MAPK8IP1: variants seen among roughly 807,000 people sequenced by gnomAD.
MAPK8IP1 encodes C-Jun-amino-terminal kinase-interacting protein 1.
In MAPK8IP1, 17 loss-of-function variants were observed where a neutral mutation model predicts 72.6. The observed-to-expected ratio is 0.23, with a 90% confidence interval of 0.16 to 0.35. The LOEUF (loss-of-function observed/expected upper bound fraction) is 0.35, where lower values mean the gene tolerates loss of function less well. Among genes scored for constraint, MAPK8IP1 ranks in the 10% least tolerant of loss-of-function variants. The pLI, the probability that MAPK8IP1 is intolerant of heterozygous loss-of-function variation, is 1.00. For synonymous variants in MAPK8IP1, 401 were observed against 443.4 expected, an observed-to-expected ratio of 0.90 and a Z score of 1.20; for missense variants, 789 against 1,009.7, an observed-to-expected ratio of 0.78 and a Z score of 2.96.
At chr11:45,891,740 C>T (rs989402893) in intron 1 of MAPK8IP1, among the ~76,000 whole-genome samples, 9 of 152,192 alleles carry the variant, frequency 5.9e-5, no homozygotes, top group Admixed American at 5.2e-4. Context: ...TGTCTTTTTG[C>T]TCATTTTATT....
intron 1 of MAPK8IP1, among the ~76,000 whole-genome samples, chr11:45,886,453 C>G (rs2086528263): frequency 6.6e-6 from 1 of 152,214 alleles, no homozygotes; most frequent in African/African-American, 2.4e-5. Flanking sequence ...TTGGGCAGCA[C>G]CGACCTAGGC....
intron 1 of MAPK8IP1, 140 bp from the exon 2 acceptor site, chr11:45,897,945 T>G: frequency 1.5e-6 from 1 of 657,504 alleles, no homozygotes; most frequent in Non-Finnish European, 2.8e-6. Flanking sequence ...ACCCCCTGCA[T>G]TGATACAGAT....
chr11:45,896,916 A>G, intron 1 of MAPK8IP1: 1 of 1,572,512 alleles, frequency 6.4e-7, no homozygotes, highest in Non-Finnish European at 8.6e-7. Flanking sequence ...GAGCCCAGAC[A>G]ATGACAGCTG....
At position 45,903,083 on chromosome 11, in the gene MAPK8IP1, C is replaced by T. The variant is rs1258526901; in HGVS notation, c.1316C>T (p.Pro439Leu). The T allele has an allele frequency of 6.2e-7, 1 of 1,611,568 alleles. No homozygotes were observed. Residue 439 changes from proline to leucine, a missense_variant, in exon 5 of 12, where the codon CCC becomes CTC. This residue lies in a region of MAPK8IP1 where 377 missense variants were observed against 411.7 expected (regional missense o/e 0.92). Coordinates refer to ENST00000241014, the MANE Select transcript of MAPK8IP1 (RefSeq NM_005456.4). This position sits in a 1 kb window ranked among gnomAD's most constrained non-coding sequence, Gnocchi z 6.4. Reference protein sequence around the residue: ...EEYEEAPRPQPPACLSEDSTP... With the variant: ...EEYEEAPRPQLPACLSEDSTP... ...TATGAGGAGGCCCCGCGGCCCCAGC[C>T]CCCTGCCTGCCTCTCCGAGGACTCC...
At position 45,898,189 on chromosome 11, in the gene MAPK8IP1, G is replaced by A. The variant is rs201993039; in HGVS notation, c.206G>A (p.Arg69Gln). ...SLQCKDTLSLRPPRAGLLSAG... is the reference protein window; with the variant it reads ...SLQCKDTLSLQPPRAGLLSAG... ...CAGTGCAAAGACACCCTGTCCTTAC[G>A]GGTAAGGGCAAGCTCCCAGGAGCTC... The change falls in exon 2 of 12, where the codon CGG becomes CAG. Residue 69 changes from arginine to glutamine, a missense_variant and splice_region_variant. By Grantham distance (43) the Arg-to-Gln change is conservative. Coordinates refer to ENST00000241014, the MANE Select transcript of MAPK8IP1 (RefSeq NM_005456.4). The A allele has an allele frequency of 2.2e-5, 35 of 1,607,388 alleles. No individual in the cohort carries two copies. In the East Asian group the frequency reaches 2.7e-4, roughly 12 times the overall value.
chr11:45,896,520 A>C, intron 1 of MAPK8IP1: 1 of 1,075,610 alleles, frequency 9.3e-7, no homozygotes, highest in Non-Finnish European at 1.1e-6. Context: ...CGACAGGGGC[A>C]TTGGAAGGGC....
In MAPK8IP1 at chr11:45,905,902, T is replaced by C. The variant is rs2086704794; in HGVS notation, c.*181T>C. 1 of 642,620 alleles carries C rather than the reference T, an allele frequency of 1.6e-6. No individual in the cohort carries two copies. The highest frequency in any genetic ancestry group is 2.8e-6 in the Non-Finnish European group (1 of 357,320). 39.8% of individuals were successfully genotyped at this position (642,620 alleles called of 1,614,324 possible). A position where few individuals can be genotyped will look rare whatever the true frequency, so the allele number is the denominator to read the frequency against. On this transcript the variant is annotated 3_prime_UTR_variant, in exon 12 of 12. Transcript: ENST00000241014. ...AATGGGGAGAGGCAAATGCAGTTTA[T>C]TGTAATATATGGGATTAGATTCATC...
chr11:45,895,873 C>T (rs1341388162), intron 1 of MAPK8IP1, among the ~76,000 whole-genome samples: 2 of 151,986 alleles, frequency 1.3e-5, no homozygotes, highest in Non-Finnish European at 2.9e-5. Context: ...CTGCCCTGGC[C>T]GGACGGAGGA....
intron 1 of MAPK8IP1, among the ~76,000 whole-genome samples, chr11:45,893,676 C>T (rs1169315622): frequency 2.6e-5 from 4 of 152,106 alleles, no homozygotes; most frequent in African/African-American, 7.2e-5. Flanking sequence ...GGCCGGCCTG[C>T]GGAGGGCCGT....
chr11:45,886,128 G>A (rs1044572473), intron 1 of MAPK8IP1, among the ~76,000 whole-genome samples: 2 of 152,232 alleles, frequency 1.3e-5, no homozygotes, highest in Admixed American at 6.5e-5. Context: ...TCACGAGGCT[G>A]TTCCCTCCGC....
Position 45,902,432 on chromosome 11 carries a change from G to T in MAPK8IP1, c.665G>T (p.Gly222Val). Residue 222 changes from glycine (G) to valine (V), a missense_variant, in exon 5 of 12, where the codon GGC (glycine) becomes GTC (valine). Gly to Val is a moderately radical substitution (Grantham distance 109, BLOSUM62 -3). This residue lies in a region of MAPK8IP1 where 377 missense variants were observed against 411.7 expected (regional missense o/e 0.92). Coordinates refer to ENST00000241014, the MANE Select transcript of MAPK8IP1 (RefSeq NM_005456.4). The surrounding 1 kb of genome is among the most constrained non-coding windows in gnomAD (Gnocchi z 9.3). ...AGCGATGAGCTGCCCCCCCAGAGCGGCCCCGCCCCCACCACAGATCGAGGC... is the reference window on the plus strand; with the variant it reads ...AGCGATGAGCTGCCCCCCCAGAGCGTCCCCGCCCCCACCACAGATCGAGGC... ...CLSDELPPQSGPAPTTDRGTS... is the reference protein window; with the variant it reads ...CLSDELPPQSVPAPTTDRGTS... 6.3e-7 allele frequency: 1 copy of T among 1,583,446 alleles called. No homozygotes were observed. Among genetic ancestry groups the T allele is most frequent in the Non-Finnish European group, 8.6e-7 (1 of 1,166,680 alleles).
At chr11:45,898,053 G>T in intron 1 of MAPK8IP1, 32 bp from the exon 2 acceptor site, 1 of 1,388,202 alleles carries the variant, frequency 7.2e-7, no homozygotes, top group South Asian at 1.2e-5. Flanking sequence ...TAGTGCCCCT[G>T]AGTTGTAACT....
At chr11:45,896,308 C>T (rs1259017741) in intron 1 of MAPK8IP1, among the ~76,000 whole-genome samples, 2 of 152,224 alleles carry the variant, frequency 1.3e-5, no homozygotes, top group Non-Finnish European at 2.9e-5. Context: ...CTGATGAGGT[C>T]GGGGGGCTGA....
chr11:45,906,356 G>A lies in MAPK8IP1; in HGVS notation c.*635G>A, dbSNP rs568658307. 7.2e-5 allele frequency: 38 copies of A among 526,032 alleles called. No individual in the cohort carries two copies. The highest frequency in any genetic ancestry group is 1.4e-4 in the African/African-American group (7 of 51,212). 32.6% of individuals were successfully genotyped at this position (526,032 alleles called of 1,614,324 possible). ...CCTCAGGCGGGGAGGAGGAGCTGCCGCAAGGCCCTGTCCCAGCAGAAGAGG... is the reference window on the plus strand; with the variant it reads ...CCTCAGGCGGGGAGGAGGAGCTGCCACAAGGCCCTGTCCCAGCAGAAGAGG... On this transcript the variant is annotated 3_prime_UTR_variant, in exon 12 of 12. Coordinates refer to ENST00000241014, the MANE Select transcript of MAPK8IP1 (RefSeq NM_005456.4).
Position 45,894,889 on chromosome 11 carries a change from G to A in MAPK8IP1, c.102-3196G>A, listed in dbSNP as rs145256794. The stretch of plus-strand genomic sequence containing the variant: ...TTCTGAGGGAGGGCTGGCCCTGTCT[G>A]CTGCACACACTACTGTACATCCAGG... On this transcript the variant is annotated intron_variant, in intron 1 of 11. Coordinates refer to ENST00000241014, the MANE Select transcript of MAPK8IP1 (RefSeq NM_005456.4). Among the ~76,000 whole-genome samples, 178 of 152,326 alleles carry A rather than the reference G, an allele frequency of 1.2e-3. 1 individual carries two copies. Among genetic ancestry groups the A allele is most frequent in the East Asian group, 4.2e-3 (22 of 5,182 alleles).
Position 45,902,311 on chromosome 11 carries a change from A to T in MAPK8IP1, c.605-61A>T. On this transcript the variant is annotated intron_variant, in intron 4 of 11. Coordinates refer to ENST00000241014, the MANE Select transcript of MAPK8IP1 (RefSeq NM_005456.4). This position sits in a 1 kb window ranked among gnomAD's most constrained non-coding sequence, Gnocchi z 9.3. ...TCTGTGTCACCAAGCTGAGAGTGGC[A>T]GGTGCAGGTAGCTGGGAGTTGGGAG... is the stretch of plus-strand genomic sequence containing the variant. 1 of 1,354,752 alleles carries T rather than the reference A, an allele frequency of 7.4e-7. No individual in the cohort carries two copies. Among genetic ancestry groups the T allele is most frequent in the Non-Finnish European group, 1.0e-6 (1 of 969,666 alleles). 83.9% of individuals were successfully genotyped at this position (1,354,752 alleles called of 1,614,324 possible).
Position 45,885,863 on chromosome 11 carries a change from T to C in MAPK8IP1, c.43T>C (p.Ser15Pro). The C allele has an allele frequency of 2.8e-6, 4 of 1,454,220 alleles. No individual in the cohort carries two copies. The highest frequency in any genetic ancestry group is 3.6e-6 in the Non-Finnish European group (4 of 1,099,674). 90.1% of individuals were successfully genotyped at this position (1,454,220 alleles called of 1,614,324 possible). Residue 15 changes from serine (S) to proline (P), a missense_variant, in exon 1 of 12, where the codon TCC becomes CCC. By Grantham distance (74) the Ser-to-Pro change is moderately conservative. Around this residue, in one of 4 missense-constraint regions of MAPK8IP1, gnomAD observed 112 missense variants for 111.8 expected, o/e 1.00. Coordinates refer to ENST00000241014, the MANE Select transcript of MAPK8IP1 (RefSeq NM_005456.4). ...CGGCGGCCTGGGAGGGGGGGCCGCG[T>C]CCCCGCCCGCCGCCTCCCCGTTCCT... ...ESGGLGGGAASPPAASPFLGL... is the reference protein window; with the variant it reads ...ESGGLGGGAAPPPAASPFLGL...
Position 45,904,837 on chromosome 11 carries a change from G to T in MAPK8IP1, c.1893+3G>T. ...CCGATGACTCCCAGGAGGCCAAGGT[G>T]ACTTCTTCCAACCCAGCCCCTTCCT... On this transcript the variant is annotated splice_donor_region_variant and intron_variant, in intron 9 of 11. Transcript: ENST00000241014. The surrounding 1 kb of genome is among the most constrained non-coding windows in gnomAD (Gnocchi z 6.4). The T allele has an allele frequency of 6.2e-7, 1 of 1,613,928 alleles. No individual in the cohort carries two copies. The highest frequency in any genetic ancestry group is 8.5e-7 in the Non-Finnish European group (1 of 1,179,886).
rs537116711 is a variant in MAPK8IP1 at position 45,904,388 on chromosome 11, C to T, written c.1667-67C>T. The T allele has an allele frequency of 5.3e-5, 74 of 1,391,522 alleles. No individual in the cohort carries two copies. The highest frequency in any genetic ancestry group is 7.3e-5 in the Non-Finnish European group (72 of 985,964). 86.2% of individuals were successfully genotyped at this position (1,391,522 alleles called of 1,614,324 possible). A position where few individuals can be genotyped will look rare whatever the true frequency, so the allele number is the denominator to read the frequency against. On this transcript the variant is annotated intron_variant, in intron 7 of 11. Coordinates refer to ENST00000241014, the MANE Select transcript of MAPK8IP1 (RefSeq NM_005456.4). This position sits in a 1 kb window ranked among gnomAD's most constrained non-coding sequence, Gnocchi z 6.4. Reference sequence around the variant, plus strand: ...CCATTCCCCGTGCCTCACCCACCCTCCTTCACTTGGCTGCTCAGCTCCCTC... The same window carrying T: ...CCATTCCCCGTGCCTCACCCACCCTTCTTCACTTGGCTGCTCAGCTCCCTC...
Sources: allele counts gnomAD v4.1 joint callset (sites outside exome capture counted in the v4.1 genomes callset), GRCh38; gene constraint gnomAD v4.1.1; regional missense constraint gnomAD v4.1.1; non-coding constraint Gnocchi (gnomAD v3.1); transcripts MANE v1.5; gene names NCBI Gene and HGNC (gene_info 2026-07-23, HGNC 2026-07-21).